Variants in CWF19L1 observed in about 807,000 individuals in gnomAD.
CWF19L1 encodes the protein CWF19-like protein 1.
A neutral mutation model predicts 69.7 loss-of-function variants in CWF19L1; 60 were observed. That is an observed-to-expected ratio of 0.86 (90% confidence interval 0.70 to 1.07). The LOEUF (loss-of-function observed/expected upper bound fraction) is 1.07, where lower values mean the gene tolerates loss of function less well. Ranked by LOEUF, CWF19L1 falls within the 50% of genes least tolerant of loss-of-function variation. The pLI is 0.00. For missense variants in CWF19L1, 591 were observed against 638.9 expected (o/e 0.92, Z 0.81); for synonymous variants, 209 against 222.2 (o/e 0.94, Z 0.53).
chr10:100,261,179 T>C (rs1564862895), intron 2 of CWF19L1, 135 bp from the exon 3 acceptor site: 2 of 609,900 alleles, frequency 3.3e-6, no homozygotes, highest in Admixed American at 5.9e-5. Flanking sequence ...GATTTCAATA[T>C]ACAATTCTTT....
At chr10:100,260,658 G>A (rs1847370267) in intron 3 of CWF19L1, among the ~76,000 whole-genome samples, 2 of 152,046 alleles carry the variant, frequency 1.3e-5, no homozygotes, top group African/African-American at 4.8e-5. Context: ...GAGGAGCTGG[G>A]ATTACAGGCA....
Position 100,250,310 on chromosome 10 carries a change from T to G in CWF19L1, c.646A>C (p.Asn216His). 6.2e-7 allele frequency: 1 copy of G among 1,611,806 alleles called. No homozygotes were observed. Among genetic ancestry groups the G allele is most frequent in the Non-Finnish European group, 8.5e-7 (1 of 1,178,104 alleles). The change falls in exon 7 of 14, where the codon AAT becomes CAT. Residue 216 changes from asparagine (N) to histidine (H), a missense_variant. This residue lies in a region of CWF19L1 where 458 missense variants were observed against 489.3 expected (regional missense o/e 0.94). Transcript: ENST00000354105. ...ATAAACCGGGTGGCATGCTGTGCAT[T>G]TTCCTGTAGAATGATATGGTTTCTA... ...PYRNHIILQENAQHATRFIAL... is the reference protein window; with the variant it reads ...PYRNHIILQEHAQHATRFIAL...
intron 13 of CWF19L1, chr10:100,234,008 T>C (rs1846354248): frequency 6.6e-6 from 1 of 152,200 alleles, no homozygotes; most frequent in Non-Finnish European, 1.5e-5. Flanking sequence ...AACAACTATC[T>C]TGGCTCTTAG....
chr10:100,251,982 T>C (rs1366888509), intron 6 of CWF19L1, among the ~76,000 whole-genome samples: 1 of 152,206 alleles, frequency 6.6e-6, no homozygotes, highest in Non-Finnish European at 1.5e-5. Flanking sequence ...CTGTATTACC[T>C]ATGATTCTGC....
intron 11 of CWF19L1, 23 bp downstream of exon 11, chr10:100,237,999 G>A (rs1203550132): frequency 6.2e-7 from 1 of 1,610,064 alleles, no homozygotes; most frequent in Non-Finnish European, 8.5e-7. Context: ...GCCCTTCCAA[G>A]TTTCTATGAA....
At chr10:100,249,193 G>C (rs1426280920) in intron 7 of CWF19L1, 2 of 298,678 alleles carry the variant, frequency 6.7e-6, no homozygotes, top group Non-Finnish European at 1.3e-5. Flanking sequence ...TTGGCTTAAA[G>C]TGAAGGAAAT....
chr10:100,261,900 A>C, intron 2 of CWF19L1, 79 bp downstream of exon 2: 1 of 1,238,816 alleles, frequency 8.1e-7, no homozygotes, highest in Non-Finnish European at 1.1e-6. Flanking sequence ...TGTTCAATCA[A>C]GACTTAAAGG....
chr10:100,253,636 A>G lies in CWF19L1; in HGVS notation c.505-97T>C, dbSNP rs75658324. 4.1e-6 allele frequency: 3 copies of G among 727,956 alleles called. No homozygotes were observed. The African/African-American group carries it at 5.3e-5, about 13-fold the overall frequency. The allele number at this position is 727,956 out of a possible 1,614,324, so 45.1% of individuals were successfully genotyped here. A position where few individuals can be genotyped will look rare whatever the true frequency, so the allele number is the denominator to read the frequency against. ...TTTGAAATGTCTTTGAAATTTATACATGAATACAGATGTGGACAGAAGGAA... is the reference window on the plus strand; with the variant it reads ...TTTGAAATGTCTTTGAAATTTATACGTGAATACAGATGTGGACAGAAGGAA... On this transcript the variant is annotated intron_variant, in intron 5 of 13. Transcript: ENST00000354105.
intron 1 of CWF19L1, among the ~76,000 whole-genome samples, chr10:100,264,749 T>G (rs1174616783): frequency 1.3e-5 from 2 of 151,966 alleles, no homozygotes; most frequent in African/African-American, 2.4e-5. Context: ...GGACAAGATA[T>G]GGAGGTGAAC....
intron 7 of CWF19L1, chr10:100,249,048 G>A: frequency 1.8e-6 from 1 of 562,162 alleles, no homozygotes; most frequent in Non-Finnish European, 3.3e-6. Context: ...CAGCGGGGCA[G>A]TCCATGCTCC....
chr10:100,263,338 A>G (rs1392258441), intron 1 of CWF19L1, among the ~76,000 whole-genome samples: 1 of 152,076 alleles, frequency 6.6e-6, no homozygotes, highest in Non-Finnish European at 1.5e-5. Flanking sequence ...GTTCCACCCT[A>G]CCCATCCTAA....
chr10:100,243,110 C>T (rs955726195), intron 10 of CWF19L1, among the ~76,000 whole-genome samples: 3 of 152,148 alleles, frequency 2.0e-5, no homozygotes, highest in Non-Finnish European at 4.4e-5. Context: ...CAAATCCATT[C>T]CTAGGTCTAT....
At chr10:100,254,586 C>T (rs1303135520) in intron 5 of CWF19L1, 1 of 152,128 alleles carries the variant, frequency 6.6e-6, no homozygotes, top group African/African-American at 2.4e-5. Flanking sequence ...TTGTTTCCTT[C>T]AGGTTTCTGC....
chr10:100,262,350 A>G lies in CWF19L1; in HGVS notation c.24-287T>C, dbSNP rs1041086609. 15 of 985,418 alleles carry G rather than the reference A, an allele frequency of 1.5e-5. No homozygotes were observed. The African/African-American group carries it at 1.6e-4, about 10-fold the overall frequency. The allele number at this position is 985,418 out of a possible 1,614,324, so 61.0% of individuals were successfully genotyped here. ...ATGTCTATGGCTGACATGGTCAACA[A>G]AAGTCAAAAATCCCCCATCCAGTCA... On this transcript the variant is annotated intron_variant, in intron 1 of 13. Transcript: ENST00000354105.
Position 100,233,118 on chromosome 10 carries a change from T to G in CWF19L1, c.*109A>C. 8.5e-7 allele frequency: 1 copy of G among 1,174,818 alleles called. No homozygotes were observed. The highest frequency in any genetic ancestry group is 1.2e-6 in the Non-Finnish European group (1 of 858,956). 72.8% of individuals were successfully genotyped at this position (1,174,818 alleles called of 1,614,324 possible). On this transcript the variant is annotated 3_prime_UTR_variant, in exon 14 of 14. Transcript: ENST00000354105. ...AGCCACAGTTATGCCACTGCAATCCTGCTTGGGTGACAGAGCGAGACTTTG... is the reference window on the plus strand; with the variant it reads ...AGCCACAGTTATGCCACTGCAATCCGGCTTGGGTGACAGAGCGAGACTTTG...
chr10:100,251,219 T>C (rs1589623475), intron 6 of CWF19L1, among the ~76,000 whole-genome samples: 1 of 152,198 alleles, frequency 6.6e-6, no homozygotes, highest in Non-Finnish European at 1.5e-5. Flanking sequence ...ATGTTTTCCC[T>C]TATCTTGGGA....
intron 7 of CWF19L1, chr10:100,248,274 T>C (rs996296788): frequency 2.3e-6 from 3 of 1,320,884 alleles, no homozygotes; most frequent in African/African-American, 2.9e-5. Flanking sequence ...GCTGCCAAAG[T>C]GTTTTGAGTC....
At chr10:100,248,881 G>C in intron 7 of CWF19L1, 1 of 1,020,778 alleles carries the variant, frequency 9.8e-7, no homozygotes, top group Non-Finnish European at 1.5e-6. Context: ...GCAGAAAAAG[G>C]CAGCCATCAT....
At chr10:100,258,665 G>A (rs1589631227) in intron 4 of CWF19L1, 2 of 152,140 alleles carry the variant, frequency 1.3e-5, no homozygotes, top group East Asian at 3.8e-4. Context: ...TTCATGAAGA[G>A]TTCCATATTA....
Sources: gnomAD v4.1 joint callset for allele counts (sites outside exome capture counted in the v4.1 genomes callset) on GRCh38, gnomAD v4.1.1 for gene constraint, gnomAD v4.1.1 regional missense constraint, MANE v1.5 for transcripts, NCBI Gene and HGNC (gene_info 2026-07-23, HGNC 2026-07-21) for gene names.